Variants in TCP1 observed in about 807,000 individuals in gnomAD.
The protein encoded by TCP1 is T-complex protein 1 subunit alpha.
In TCP1, 6 loss-of-function variants were observed where a neutral mutation model predicts 54.7. The ratio of observed to expected loss-of-function variants is 0.11; its 90% CI spans 0.06 to 0.22. The LOEUF is 0.22. Ranked by LOEUF, TCP1 falls within the 10% of genes least tolerant of loss-of-function variation. The pLI is 1.00. For synonymous variants in TCP1, 225 were observed against 229.7 expected (o/e 0.98, Z 0.19); for missense variants, 511 against 678.2 (o/e 0.75, Z 2.74).
chr6:159,782,400 C>A (rs577318071), intron 7 of TCP1, among the ~76,000 whole-genome samples: 2 of 152,062 alleles, frequency 1.3e-5, no homozygotes, highest in African/African-American at 4.8e-5. Flanking sequence ...GAAGTTACAA[C>A]AGAATATAAT....
Position 159,789,391 on chromosome 6 carries a change from C to T in TCP1, c.64+14G>A, listed in dbSNP as rs377704849. On this transcript the variant is annotated intron_variant, in intron 1 of 11. Transcript: ENST00000321394. ...CCCGGCCGCAAACCCGACCCAGGCCCGGCCCGCCCTTACCGTTTTGGGAGC... is the reference window on the plus strand; with the variant it reads ...CCCGGCCGCAAACCCGACCCAGGCCTGGCCCGCCCTTACCGTTTTGGGAGC... 4 of 1,613,264 alleles carry T rather than the reference C, an allele frequency of 2.5e-6. No homozygotes were observed. In the African/African-American group the frequency reaches 5.3e-5, roughly 22 times the overall value.
chr6:159,782,456 G>T (rs1386759978), intron 7 of TCP1, among the ~76,000 whole-genome samples: 1 of 152,202 alleles, frequency 6.6e-6, no homozygotes, highest in Non-Finnish European at 1.5e-5. Flanking sequence ...ACTAGCTTGG[G>T]TGTGTTTCTA....
chr6:159,787,730 C>T lies in TCP1; in HGVS notation c.279+13G>A. On this transcript the variant is annotated intron_variant, in intron 3 of 11. Transcript: ENST00000321394. ...TTTTAGAAAAATGATCATTCTTTAG[C>T]CAGTCTACCTACCACTGAAGTAGTT... 6.2e-7 allele frequency: 1 copy of T among 1,607,780 alleles called. No homozygotes were observed. Among genetic ancestry groups the T allele is most frequent in the South Asian group, 1.1e-5 (1 of 90,466 alleles).
intron 3 of TCP1, among the ~76,000 whole-genome samples, chr6:159,786,958 T>C (rs971805976): frequency 4.6e-5 from 7 of 150,854 alleles, no homozygotes; most frequent in African/African-American, 9.8e-5. Flanking sequence ...ATTTAAAAAA[T>C]AGAACAGGCT....
Position 159,789,573 on chromosome 6 carries a change from G to T in TCP1, c.-105C>A. 7.3e-7 allele frequency: 1 copy of T among 1,368,314 alleles called. No individual in the cohort carries two copies. The highest frequency in any genetic ancestry group is 1.2e-5 in the South Asian group (1 of 81,276). 84.8% of individuals were successfully genotyped at this position (1,368,314 alleles called of 1,614,324 possible). A position where few individuals can be genotyped will look rare whatever the true frequency, so the allele number is the denominator to read the frequency against. ...ACAGCAGTGGCTGCGACGGCGTGGA[G>T]CGTACCCGAGCGATGTCCCAGGAGC... On this transcript the variant is annotated 5_prime_UTR_variant, in exon 1 of 12. Coordinates refer to ENST00000321394, the MANE Select transcript of TCP1 (RefSeq NM_030752.3).
intron 8 of TCP1, 24 bp from the exon 9 acceptor site, chr6:159,780,590 C>T (rs1780552759): frequency 6.2e-7 from 1 of 1,603,220 alleles, no homozygotes; most frequent in South Asian, 1.1e-5. Flanking sequence ...TACAAAGGAT[C>T]TGTGAATATT....
chr6:159,778,968 T>C lies in TCP1; in HGVS notation c.*77A>G. Reference sequence around the variant, plus strand: ...AAACCCAAGTTTACAGCTTGTACTTTACTTTAATGTGTAATACTCAACTCA... The same window carrying C: ...AAACCCAAGTTTACAGCTTGTACTTCACTTTAATGTGTAATACTCAACTCA... On this transcript the variant is annotated 3_prime_UTR_variant, in exon 12 of 12. Coordinates refer to ENST00000321394, the MANE Select transcript of TCP1 (RefSeq NM_030752.3). 1 of 1,560,682 alleles carries C rather than the reference T, an allele frequency of 6.4e-7. No individual in the cohort carries two copies. The highest frequency in any genetic ancestry group is 8.7e-7 in the Non-Finnish European group (1 of 1,145,800).
chr6:159,779,116 G>A lies in TCP1; in HGVS notation c.1600C>T (p.His534Tyr), dbSNP rs770561305. 2 of 1,613,918 alleles carry A rather than the reference G, an allele frequency of 1.2e-6. No individual in the cohort carries two copies. Among genetic ancestry groups the A allele is most frequent in the African/African-American group, 1.3e-5 (1 of 74,910 alleles). The change falls in exon 12 of 12, where the codon CAT becomes TAT. Residue 534 changes from histidine to tyrosine, a missense_variant. His to Tyr is a moderately conservative substitution (Grantham distance 83). Transcript: ENST00000321394. The stretch of plus-strand genomic sequence containing the variant: ...TGTTTATCATCTTTACTTTCTGGAT[G>A]TAATTTAATAAGATCATCAATTCGA... ...ILRIDDLIKLHPESKDDKHGS... is the reference protein window; with the variant it reads ...ILRIDDLIKLYPESKDDKHGS...
chr6:159,780,169 A>C, intron 9 of TCP1, 82 bp from the exon 10 acceptor site: 19 of 1,510,350 alleles, frequency 1.3e-5, no homozygotes, highest in Non-Finnish European at 1.7e-5. Context: ...CTCAAAAAAA[A>C]TGGCATTTTA....
At chr6:159,786,693 G>A (rs958788239) in intron 3 of TCP1, among the ~76,000 whole-genome samples, 3 of 152,154 alleles carry the variant, frequency 2.0e-5, no homozygotes, top group African/African-American at 7.2e-5. Context: ...TCATATTTTA[G>A]GAGTAGATTC....
chr6:159,786,033 G>A (rs1344510860), intron 3 of TCP1, 36 bp from the exon 4 acceptor site: 1 of 1,527,552 alleles, frequency 6.5e-7, no homozygotes, highest in African/African-American at 1.4e-5. Flanking sequence ...GAGTGTGCCG[G>A]ATATTCAACA....
intron 7 of TCP1, among the ~76,000 whole-genome samples, chr6:159,781,590 C>T (rs913662083): frequency 2.0e-5 from 3 of 152,166 alleles, no homozygotes; most frequent in Middle Eastern, 6.8e-3. Context: ...CTGGCCAACA[C>T]GGTGAAACCG....
intron 7 of TCP1, among the ~76,000 whole-genome samples, chr6:159,782,253 C>T (rs998102064): frequency 8.5e-5 from 13 of 152,192 alleles, no homozygotes; most frequent in African/African-American, 3.1e-4. Context: ...ATAGATCATT[C>T]GAAGAATTTT....
At chr6:159,788,273 ATTAT>A in intron 1 of TCP1, 130 bp from the exon 2 acceptor site, 1 of 852,902 alleles carries the variant, frequency 1.2e-6, no homozygotes, top group Non-Finnish European at 1.8e-6. Context: ...ATCTGTGTTA[ATTAT>A]TTAAAAACCA....
Position 159,780,460 on chromosome 6 carries a change from CTCA to C in TCP1, c.1077_1079del (p.Asp359del), listed in dbSNP as rs777486093. 6.2e-7 allele frequency: 1 copy of C among 1,614,008 alleles called. No homozygotes were observed. Among genetic ancestry groups the C allele is most frequent in the Non-Finnish European group, 8.5e-7 (1 of 1,179,940 alleles). ...GCTCTTACTTTTTGATTAAGATCAG[CTCA>C]TCATCACAAATTCTCTCCTGTACCA... On this transcript the variant is annotated inframe_deletion, in exon 9 of 12. Transcript: ENST00000321394.
In TCP1 at chr6:159,778,787, T is replaced by G; in HGVS notation, c.*258A>C. ...GTCGTGGTGTTGCAGCCCTGTGCAT[T>G]GGGGGTGGGATGGGAATAGCAATGT... On this transcript the variant is annotated 3_prime_UTR_variant, in exon 12 of 12. Coordinates refer to ENST00000321394, the MANE Select transcript of TCP1 (RefSeq NM_030752.3). 6.2e-7 allele frequency: 1 copy of G among 1,614,146 alleles called. No homozygotes were observed. Among genetic ancestry groups the G allele is most frequent in the Non-Finnish European group, 8.5e-7 (1 of 1,180,030 alleles).
chr6:159,783,909 C>T, intron 7 of TCP1, 32 bp downstream of exon 7: 1 of 1,558,492 alleles, frequency 6.4e-7, no homozygotes, highest in Non-Finnish European at 8.6e-7. Flanking sequence ...GACACTCACA[C>T]TTAAAAGGCC....
At chr6:159,788,304 A>G (rs1780747717) in intron 1 of TCP1, 161 bp from the exon 2 acceptor site, 1 of 629,534 alleles carries the variant, frequency 1.6e-6, no homozygotes, top group Non-Finnish European at 2.7e-6. Context: ...AAGAGTGTAA[A>G]TGGGGCCAGA....
At chr6:159,779,592 G>A in intron 11 of TCP1, 35 bp downstream of exon 11, 1 of 1,573,660 alleles carries the variant, frequency 6.4e-7, no homozygotes, top group East Asian at 2.2e-5. Flanking sequence ...AACCTGTTCT[G>A]CAGAGGTTAA....
Sources: gnomAD v4.1 joint callset for allele counts (sites outside exome capture counted in the v4.1 genomes callset) on GRCh38, gnomAD v4.1.1 for gene constraint, MANE v1.5 for transcripts, NCBI Gene and HGNC (gene_info 2026-07-23, HGNC 2026-07-21) for gene names.